Variants in POMK observed in about 807,000 individuals in gnomAD.
POMK encodes protein O-mannose kinase, also known as Sugen kinase 196.
In POMK, 19 loss-of-function variants were observed where a neutral mutation model predicts 23.0. The ratio of observed to expected loss-of-function variants is 0.83; its 90% CI spans 0.58 to 1.21. The LOEUF (loss-of-function observed/expected upper bound fraction) is 1.21. Among genes scored for constraint, POMK ranks in the 50% most tolerant of loss-of-function variants. POMK has a pLI of 0.00. For missense variants in POMK, 410 were observed against 431.3 expected (o/e 0.95, Z 0.44); for synonymous variants, 173 against 171.6 (o/e 1.01, Z -0.06).
At chr8:43,110,002 C>T (rs1811617561) in intron 4 of POMK, among the ~76,000 whole-genome samples, 1 of 152,206 alleles carries the variant, frequency 6.6e-6, no homozygotes, top group Admixed American at 6.5e-5. Context: ...AATATGTTCA[C>T]ACACAGAATC....
At chr8:43,093,766 C>A (rs1390019158) in intron 1 of POMK, among the ~76,000 whole-genome samples, 1 of 152,240 alleles carries the variant, frequency 6.6e-6, no homozygotes, top group Non-Finnish European at 1.5e-5. Flanking sequence ...CCGCGTCCAC[C>A]CCTGCGCGGT....
chr8:43,122,975 A>T lies in POMK; in HGVS notation c.*98A>T. ...GTTTTTTGCCTGAGTTTCGTGTTTT[A>T]TTGTTTTTTTTATGGCTTAGCCATG... is the stretch of plus-strand genomic sequence containing the variant. On this transcript the variant is annotated 3_prime_UTR_variant, in exon 5 of 5. Coordinates refer to ENST00000331373, the MANE Select transcript of POMK (RefSeq NM_032237.5). 1.7e-6 allele frequency: 2 copies of T among 1,143,104 alleles called. No individual in the cohort carries two copies. Among genetic ancestry groups the T allele is most frequent in the Non-Finnish European group, 2.5e-6 (2 of 812,138 alleles). The allele number at this position is 1,143,104 out of a possible 1,614,324, so 70.8% of individuals were successfully genotyped here.
Position 43,117,302 on chromosome 8 carries a change from C to T in POMK, c.283-4805C>T, listed in dbSNP as rs559291094. Among the ~76,000 whole-genome samples, 8 of 152,244 alleles carry T rather than the reference C, an allele frequency of 5.3e-5. 1 individual carries two copies. The highest frequency in any genetic ancestry group is 4.1e-4 in the South Asian group (2 of 4,824). On this transcript the variant is annotated intron_variant, in intron 4 of 4. Coordinates refer to ENST00000331373, the MANE Select transcript of POMK (RefSeq NM_032237.5). ...GCTTGGCTTGGGCTCAGAAGCCTGA[C>T]GAGAGAAATGTTATTAAGAAAAATC...
intron 4 of POMK, among the ~76,000 whole-genome samples, chr8:43,121,860 G>T (rs1477828976): frequency 6.6e-6 from 1 of 152,200 alleles, no homozygotes; most frequent in African/African-American, 2.4e-5. Flanking sequence ...TCAGTGTCCT[G>T]CCCAGAGGCA....
intron 4 of POMK, among the ~76,000 whole-genome samples, chr8:43,121,156 A>G (rs1409317978): frequency 2.0e-5 from 3 of 152,192 alleles, no homozygotes; most frequent in East Asian, 3.8e-4. Flanking sequence ...GAGTCTCTTG[A>G]TAAATAATGC....
At chr8:43,113,853 G>A (rs952621962) in intron 4 of POMK, among the ~76,000 whole-genome samples, 4 of 152,256 alleles carry the variant, frequency 2.6e-5, no homozygotes, top group Admixed American at 6.5e-5. Context: ...CTGCAGGTCT[G>A]TTGGAGTTTG....
intron 4 of POMK, among the ~76,000 whole-genome samples, chr8:43,120,214 CTTT>C (rs936204221): frequency 7.1e-6 from 1 of 141,512 alleles, no homozygotes; most frequent in Non-Finnish European, 1.6e-5. Flanking sequence ...TGTAACATTG[CTTT>C]TTTTTTTTTT....
intron 1 of POMK, among the ~76,000 whole-genome samples, chr8:43,095,655 GCCTCTAGCCTCTTCACTTGCACAAATA>G (rs1412839855): frequency 3.3e-5 from 5 of 152,136 alleles, no homozygotes; most frequent in African/African-American, 4.8e-5. Flanking sequence ...TTATGATGAA[GCCTCTAGCCTCTTCACTTGCACAAATA>G]CCTTCCAAAA....
At position 43,119,537 on chromosome 8, in the gene POMK, A is replaced by G. The variant is rs1460986995; in HGVS notation, c.283-2570A>G. 2.7e-5 allele frequency among the ~76,000 whole-genome samples: 4 copies of G among 149,944 alleles called. No homozygotes were observed. In the East Asian group the frequency reaches 5.9e-4, roughly 22 times the overall value. On this transcript the variant is annotated intron_variant, in intron 4 of 4. Transcript: ENST00000331373. ...AGCCTCTGCCTCCTGGGTTCAAGCA[A>G]TTCTCCTGCCTCAGCCTCCTGAGTA...
In POMK at chr8:43,123,114, T is replaced by A. The variant is rs1046981305; in HGVS notation, c.*237T>A. The A allele has an allele frequency of 9.2e-6, 4 of 436,144 alleles. No individual in the cohort carries two copies. Among genetic ancestry groups the A allele is most frequent in the Non-Finnish European group, 1.6e-5 (4 of 246,604 alleles). 27.0% of individuals were successfully genotyped at this position (436,144 alleles called of 1,614,324 possible). On this transcript the variant is annotated 3_prime_UTR_variant, in exon 5 of 5. Transcript: ENST00000331373. ...CTCTGTTGCTGAGGCTGGAGTGCAG[T>A]GATGTGATCTTGGCTCACTGCAGCC...
intron 4 of POMK, among the ~76,000 whole-genome samples, chr8:43,121,383 T>G (rs1221269724): frequency 6.6e-6 from 1 of 152,188 alleles, no homozygotes; most frequent in Non-Finnish European, 1.5e-5. Context: ...AAGGCAGAAA[T>G]GTGAACTTGC....
chr8:43,103,939 C>A, intron 4 of POMK, 109 bp downstream of exon 4: 6 of 1,135,758 alleles, frequency 5.3e-6, no homozygotes, highest in Non-Finnish European at 7.7e-6. Context: ...TCCTTTGTTA[C>A]TGCCAAAGTG....
At chr8:43,095,604 G>T (rs1450551325) in intron 1 of POMK, among the ~76,000 whole-genome samples, 4 of 152,114 alleles carry the variant, frequency 2.6e-5, no homozygotes. Context: ...AGTGGACAGG[G>T]CAAGTTACAT....
rs551015278 is a variant in POMK, at chr8:43,114,020, A to G, written c.283-8087A>G. Among the ~76,000 whole-genome samples the G allele has an allele frequency of 6.6e-5, 10 of 152,252 alleles. No homozygotes were observed. The East Asian group carries it at 1.7e-3, about 26-fold the overall frequency. On this transcript the variant is annotated intron_variant, in intron 4 of 4. Transcript: ENST00000331373. ...CCCCGTGAGGTGTCAGTCTGCCCCT[A>G]CTGGGGGCTGCCTCCCAGTTAGGCT...
chr8:43,110,894 T>C (rs1160959434), intron 4 of POMK, among the ~76,000 whole-genome samples: 1 of 151,648 alleles, frequency 6.6e-6, no homozygotes, highest in Non-Finnish European at 1.5e-5. Context: ...CACTCCAGCC[T>C]GGGGTACAAG....
At chr8:43,094,420 T>A (rs1258889637) in intron 1 of POMK, among the ~76,000 whole-genome samples, 1 of 152,206 alleles carries the variant, frequency 6.6e-6, no homozygotes, top group African/African-American at 2.4e-5. Context: ...GACCGAGGAC[T>A]CTGTCTCAGC....
intron 4 of POMK, among the ~76,000 whole-genome samples, chr8:43,111,670 C>A (rs1184712361): frequency 1.3e-5 from 2 of 152,194 alleles, no homozygotes; most frequent in East Asian, 1.9e-4. Flanking sequence ...GAGGCACCCC[C>A]CAGTAGGGGC....
intron 4 of POMK, among the ~76,000 whole-genome samples, chr8:43,111,319 C>G (rs201686332): frequency 6.6e-6 from 1 of 152,174 alleles, no homozygotes; most frequent in African/African-American, 2.4e-5. Flanking sequence ...GAGCCTCACT[C>G]ATTGCTAGCA....
intron 4 of POMK, 32 bp from the exon 5 acceptor site, chr8:43,122,075 C>A (rs1161198124): frequency 3.1e-6 from 5 of 1,599,708 alleles, no homozygotes; most frequent in South Asian, 2.2e-5. Context: ...GGTGAGAGTT[C>A]AGGCCTGATG....
Sources: gnomAD v4.1 joint callset for allele counts (sites outside exome capture counted in the v4.1 genomes callset) on GRCh38, gnomAD v4.1.1 for gene constraint, MANE v1.5 for transcripts, NCBI Gene and HGNC (gene_info 2026-07-23, HGNC 2026-07-21) for gene names.